The following DNAH5 variants were observed in gnomAD, a reference collection of about 807,000 sequenced individuals.
The protein encoded by DNAH5 is dynein axonemal heavy chain 5.
Under a neutral mutation model 518.2 loss-of-function variants are expected in DNAH5, and 372 were observed. That is an observed-to-expected ratio of 0.72 (90% CI 0.66 to 0.78). DNAH5 has a LOEUF of 0.78. DNAH5 is among the 30% of genes least tolerant of loss of function. The pLI, the probability that DNAH5 is intolerant of heterozygous loss-of-function variation, is 0.00. For synonymous variants in DNAH5, 2,039 were observed against 2,025.9 expected (o/e 1.01, Z -0.17); for missense variants, 5,523 against 5,687.0 (o/e 0.97, Z 0.93).
chr5:13,947,987 T>C (rs1423365803), upstream of DNAH5, among the ~76,000 whole-genome samples: 2 of 152,172 alleles, frequency 1.3e-5, no homozygotes, highest in Non-Finnish European at 2.9e-5. Flanking sequence ...CAGACAAAAA[T>C]CATGACATGA....
chr5:14,007,600 T>C (rs146208651), intron 1 of DNAH5, among the ~76,000 whole-genome samples: 22 of 152,340 alleles, frequency 1.4e-4, no homozygotes, highest in African/African-American at 5.1e-4. Context: ...CTCTATTAAA[T>C]AGACATTAAA....
intron 1 of DNAH5, among the ~76,000 whole-genome samples, chr5:13,977,434 A>G (rs528498133): frequency 1.1e-4 from 16 of 152,234 alleles, no homozygotes; most frequent in Admixed American, 3.9e-4. Context: ...CTTATAAACA[A>G]CAGAAATTCA....
intron 59 of DNAH5, 38 bp downstream of exon 59, chr5:13,765,938 T>G: frequency 6.3e-7 from 1 of 1,588,878 alleles, no homozygotes; most frequent in Non-Finnish European, 8.6e-7. Flanking sequence ...CAGTGAAGAA[T>G]GAGTTCCCTC....
intron 15 of DNAH5, 119 bp from the exon 16 acceptor site, chr5:13,894,940 G>T: frequency 9.4e-7 from 1 of 1,063,564 alleles, no homozygotes; most frequent in Non-Finnish European, 1.4e-6. Context: ...GGCTCTAATA[G>T]CCTGGCAGGT....
Position 13,778,578 on chromosome 5 carries a change from GAAAGAAAGAAAGAAAGAA to G in DNAH5, c.8952-1241_8952-1224del, listed in dbSNP as rs1448503514. Among the ~76,000 whole-genome samples, 107 of 75,040 alleles carry G rather than the reference GAAAGAAAGAAAGAAAGAA, an allele frequency of 1.4e-3. 2 individuals carry two copies. Among genetic ancestry groups the G allele is most frequent in the African/African-American group, 4.9e-3 (98 of 20,040 alleles). The allele number at this position is 75,040 out of a possible 152,430, so 49.2% of individuals were successfully genotyped here. On this transcript the variant is annotated intron_variant, in intron 53 of 78. Transcript: ENST00000265104. ...AGAAAGAAAGAAAGAAAGAAAGAAA[GAAAGAAAGAAAGAAAGAA>G]AGAGAGAGAGAAAGAAAAAGAAAGA... is the stretch of plus-strand genomic sequence containing the variant.
intron 32 of DNAH5, among the ~76,000 whole-genome samples, chr5:13,843,919 A>G (rs569278272): frequency 1.5e-5 from 2 of 130,916 alleles, no homozygotes; most frequent in South Asian, 2.4e-4. Flanking sequence ...TAATTGTCCA[A>G]TTTCTCTTGA....
chr5:13,965,332 C>G (rs1781457980), intron 1 of DNAH5, among the ~76,000 whole-genome samples: 1 of 152,072 alleles, frequency 6.6e-6, no homozygotes, highest in Admixed American at 6.6e-5. Context: ...TGAATTATTG[C>G]ATGTAAACTG....
chr5:13,773,731 C>A (rs901823271), intron 55 of DNAH5, among the ~76,000 whole-genome samples: 1 of 152,028 alleles, frequency 6.6e-6, no homozygotes, highest in African/African-American at 2.4e-5. Flanking sequence ...TGTGGTTAAT[C>A]CCAAGAAGAA....
chr5:13,907,842 T>C (rs1944531810), intron 12 of DNAH5, among the ~76,000 whole-genome samples: 1 of 152,216 alleles, frequency 6.6e-6, no homozygotes, highest in South Asian at 2.1e-4. Context: ...TTTTTTCAAC[T>C]TACCAGTCAG....
intron 47 of DNAH5, among the ~76,000 whole-genome samples, chr5:13,806,808 AAAT>A (rs1282310508): frequency 6.6e-6 from 1 of 152,210 alleles, no homozygotes; most frequent in African/African-American, 2.4e-5. Flanking sequence ...TGGGAAAAAA[AAAT>A]AAACAACGCA....
intron 49 of DNAH5, 109 bp downstream of exon 49, chr5:13,793,403 CAAG>C: frequency 1.2e-6 from 1 of 865,834 alleles, no homozygotes; most frequent in Non-Finnish European, 2.0e-6. Flanking sequence ...GGCTGTAGAC[CAAG>C]GAGCCACCCA....
At chr5:13,795,399 C>T (rs1389427514) in intron 47 of DNAH5, among the ~76,000 whole-genome samples, 1 of 152,088 alleles carries the variant, frequency 6.6e-6, no homozygotes, top group African/African-American at 2.4e-5. Context: ...ATAAAAACTA[C>T]CATCAGAGAA....
intron 47 of DNAH5, among the ~76,000 whole-genome samples, chr5:13,804,383 A>G (rs1423996356): frequency 1.3e-5 from 2 of 152,232 alleles, no homozygotes; most frequent in Admixed American, 6.5e-5. Flanking sequence ...CATCTTGGTA[A>G]CAGCTGAGAA....
In DNAH5 at chr5:13,724,008, T is replaced by C. The variant is rs73749933; in HGVS notation, c.12034-2763A>G. ...ATGAGTCTGTGGGGCAAATGTGTAA[T>C]ATGCAAGGATGCTCAGCAATCCCAG... is the stretch of plus-strand genomic sequence containing the variant. On this transcript the variant is annotated intron_variant, in intron 70 of 78. Transcript: ENST00000265104. Among the ~76,000 whole-genome samples, 1,027 of 152,338 alleles carry C rather than the reference T, an allele frequency of 6.7e-3. 7 individuals are homozygous for C. Among genetic ancestry groups the C allele is most frequent in the African/African-American group, 0.023 (967 of 41,576 alleles).
intron 35 of DNAH5, among the ~76,000 whole-genome samples, chr5:13,833,213 G>T (rs1160954419): frequency 6.6e-6 from 1 of 152,044 alleles, no homozygotes; most frequent in African/African-American, 2.4e-5. Context: ...GGCCGAGGCG[G>T]ATGGATCACG....
At chr5:13,891,460 C>T (rs1580768241) in intron 16 of DNAH5, among the ~76,000 whole-genome samples, 1 of 152,058 alleles carries the variant, frequency 6.6e-6, no homozygotes, top group East Asian at 1.9e-4. Context: ...TTTCCTGGGG[C>T]CATCGTTCCT....
chr5:13,772,172 C>A (rs1047291320), intron 55 of DNAH5, among the ~76,000 whole-genome samples: 1 of 152,072 alleles, frequency 6.6e-6, no homozygotes, highest in African/African-American at 2.4e-5. Context: ...GTGTTAACCA[C>A]AATGGCTGCG....
rs672601333 is a variant in DNAH5, at chr5:13,894,819, C to CA, written c.2261dup (p.Met754IlefsTer5). On this transcript the variant is annotated frameshift_variant and splice_region_variant, in exon 16 of 79. Coordinates refer to ENST00000265104, the MANE Select transcript of DNAH5 (RefSeq NM_001369.3). LOFTEE classifies it high-confidence loss of function. The stretch of plus-strand genomic sequence containing the variant: ...TCACTCTCTGATATTCAGCTAGCAT[C>CA]ATCTGCAATGAAATTGGGGTTAAGT... The CA allele has an allele frequency of 1.2e-6, 2 of 1,613,290 alleles. No homozygotes were observed. Among genetic ancestry groups the CA allele is most frequent in the Non-Finnish European group, 1.7e-6 (2 of 1,179,892 alleles).
Position 13,886,135 on chromosome 5 carries a change from C to CAAAAAAAA in DNAH5, c.2578-14_2578-7dup. On this transcript the variant is annotated splice_polypyrimidine_tract_variant and splice_region_variant and intron_variant, in intron 17 of 78. Coordinates refer to ENST00000265104, the MANE Select transcript of DNAH5 (RefSeq NM_001369.3). ...GCACCATTTACACAAAGATCCTAAC[C>CAAAAAAAA]AAAAAAAAAAAAAAAAAAAGATAGC... 7.5e-6 allele frequency: 10 copies of CAAAAAAAA among 1,341,086 alleles called. No individual in the cohort carries two copies. The highest frequency in any genetic ancestry group is 5.5e-5 in the East Asian group (2 of 36,538). 83.1% of individuals were successfully genotyped at this position (1,341,086 alleles called of 1,614,324 possible). A position where few individuals can be genotyped will look rare whatever the true frequency, so the allele number is the denominator to read the frequency against.
Sources: allele counts gnomAD v4.1 joint callset (sites outside exome capture counted in the v4.1 genomes callset), GRCh38; gene constraint gnomAD v4.1.1; transcripts MANE v1.5; gene names NCBI Gene and HGNC (gene_info 2026-07-23, HGNC 2026-07-21).